Variants in RPS6KA2 observed in about 807,000 individuals in gnomAD.
The protein encoded by RPS6KA2 is ribosomal protein S6 kinase alpha-2.
RPS6KA2 carries 42 observed loss-of-function variants against 91.8 expected under a neutral mutation model. The ratio of observed to expected loss-of-function variants is 0.46; its 90% CI spans 0.36 to 0.59. RPS6KA2 has a LOEUF of 0.59. Among genes scored for constraint, RPS6KA2 ranks in the 20% least tolerant of loss-of-function variants. The pLI is 0.00. For synonymous variants in RPS6KA2, 414 were observed against 393.6 expected (o/e 1.05, Z -0.61); for missense variants, 798 against 978.5 (o/e 0.82, Z 2.46).
In RPS6KA2 at chr6:166,626,508, C is replaced by A. The variant is rs757100352; in HGVS notation, c.99+413G>T. ...CACGGCAGACAGCACCTGATCAGCG[C>A]CTCGGAGGGCGGAGCTGGGGGGCTT... On this transcript the variant is annotated intron_variant, in intron 1 of 20. Coordinates refer to ENST00000265678, the MANE Select transcript of RPS6KA2 (RefSeq NM_021135.6). The surrounding 1 kb of genome is among the most constrained non-coding windows in gnomAD (Gnocchi z 4.1). Among the ~76,000 whole-genome samples, 3 of 152,240 alleles carry A rather than the reference C, an allele frequency of 2.0e-5. No individual in the cohort carries two copies. The highest frequency in any genetic ancestry group is 4.4e-5 in the Non-Finnish European group (3 of 68,048).
At chr6:166,618,851 G>A (rs549628493) in intron 1 of RPS6KA2, among the ~76,000 whole-genome samples, 18 of 152,336 alleles carry the variant, frequency 1.2e-4, no homozygotes, top group Admixed American at 9.1e-4. Flanking sequence ...ACCGCAGTAC[G>A]ACGCGCTCAG....
intron 2 of RPS6KA2, among the ~76,000 whole-genome samples, chr6:166,850,670 G>A (rs1403930892): frequency 2.0e-5 from 3 of 152,164 alleles, no homozygotes; most frequent in African/African-American, 4.8e-5. Context: ...GAGCCCCTGC[G>A]TCCTCCTCAG....
chr6:166,454,758 G>A (rs989579573), intron 12 of RPS6KA2, among the ~76,000 whole-genome samples: 2 of 151,926 alleles, frequency 1.3e-5, no homozygotes, highest in African/African-American at 4.8e-5. Context: ...CAGAGACGTG[G>A]CTTCCTAATC....
chr6:166,789,200 CAGG>C (rs1779011386), intron 2 of RPS6KA2, among the ~76,000 whole-genome samples: 1 of 152,212 alleles, frequency 6.6e-6, no homozygotes, highest in Non-Finnish European at 1.5e-5. Context: ...AACAGCGCAC[CAGG>C]AGATTATATC....
At chr6:166,785,762 T>C (rs1260156922) in intron 2 of RPS6KA2, among the ~76,000 whole-genome samples, 3 of 152,250 alleles carry the variant, frequency 2.0e-5, no homozygotes, top group Non-Finnish European at 4.4e-5. Context: ...CTTGTTTCTA[T>C]AAAGCACTCA....
Position 166,736,617 on chromosome 6 carries a change from A to C in RPS6KA2, c.123+121583T>G, listed in dbSNP as rs1330416518. ...TTTTTTTCCTGGCAACAAAAAACCCACTCCAAAGTGTGCAAAACTCTAAGA... is the reference window on the plus strand; with the variant it reads ...TTTTTTTCCTGGCAACAAAAAACCCCCTCCAAAGTGTGCAAAACTCTAAGA... On this transcript the variant is annotated intron_variant, in intron 2 of 21. Coordinates refer to the RPS6KA2 transcript ENST00000503859. Among the ~76,000 whole-genome samples the C allele has an allele frequency of 2.6e-5, 4 of 152,014 alleles. No individual in the cohort carries two copies. In the East Asian group the frequency reaches 7.7e-4, roughly 29 times the overall value.
intron 17 of RPS6KA2, among the ~76,000 whole-genome samples, chr6:166,421,795 T>C (rs947680899): frequency 1.3e-5 from 2 of 152,192 alleles, no homozygotes; most frequent in African/African-American, 4.8e-5. Context: ...TAAGAACTTA[T>C]GAGGGATGAG....
At chr6:166,524,522 C>A (rs1362367829) in intron 3 of RPS6KA2, among the ~76,000 whole-genome samples, 1 of 152,158 alleles carries the variant, frequency 6.6e-6, no homozygotes, top group Non-Finnish European at 1.5e-5. Context: ...ACAGCTGAAC[C>A]AAGACATCAT....
At chr6:166,643,614 A>G (rs1787516964) in intron 2 of RPS6KA2, among the ~76,000 whole-genome samples, 1 of 152,262 alleles carries the variant, frequency 6.6e-6, no homozygotes, top group Admixed American at 6.5e-5. Flanking sequence ...ATTATTATTT[A>G]GAAAAATTTT....
At chr6:166,484,836 G>T (rs898643984) in intron 10 of RPS6KA2, among the ~76,000 whole-genome samples, 1 of 152,224 alleles carries the variant, frequency 6.6e-6, no homozygotes, top group Non-Finnish European at 1.5e-5. Flanking sequence ...TCTATTCCTT[G>T]CAGCTAAAAG....
At chr6:166,836,192 G>C (rs1780311525) in intron 2 of RPS6KA2, among the ~76,000 whole-genome samples, 1 of 151,974 alleles carries the variant, frequency 6.6e-6, no homozygotes, top group African/African-American at 2.4e-5. Flanking sequence ...TGGTCCTATA[G>C]TTTTCTGTTT....
chr6:166,525,603 G>T (rs1011520665), intron 3 of RPS6KA2, among the ~76,000 whole-genome samples: 2 of 152,224 alleles, frequency 1.3e-5, no homozygotes, highest in Non-Finnish European at 2.9e-5. Flanking sequence ...CCAGGCACAG[G>T]ACAATCAGCC....
chr6:166,686,386 G>A (rs1460609168), intron 2 of RPS6KA2, among the ~76,000 whole-genome samples: 1 of 152,138 alleles, frequency 6.6e-6, no homozygotes, highest in Non-Finnish European at 1.5e-5. Context: ...TTTTTTGTAT[G>A]CAGGGAGGTG....
chr6:166,703,615 T>A (rs1429338788), intron 2 of RPS6KA2, among the ~76,000 whole-genome samples: 1 of 152,238 alleles, frequency 6.6e-6, no homozygotes, highest in Non-Finnish European at 1.5e-5. Context: ...ATTAAAAAGA[T>A]CTTTTTTTCT....
chr6:166,714,106 C>T (rs551929449), intron 2 of RPS6KA2, among the ~76,000 whole-genome samples: 1 of 152,228 alleles, frequency 6.6e-6, no homozygotes, highest in East Asian at 1.9e-4. Context: ...ATGAATTATT[C>T]CTTCCTGTGA....
rs762242964 is a variant in RPS6KA2 at position 166,508,174 on chromosome 6, C to A, written c.459+29G>T. ...AGTCCCAGACAGAAGCTCCTGCCCG[C>A]CCTCCTGTGTGATGTGGCGGCTGCT... On this transcript the variant is annotated intron_variant, in intron 5 of 20. Transcript: ENST00000265678. The surrounding 1 kb of genome is among the most constrained non-coding windows in gnomAD (Gnocchi z 4.3). The A allele has an allele frequency of 2.6e-5, 39 of 1,502,402 alleles. No homozygotes were observed. The highest frequency in any genetic ancestry group is 3.5e-5 in the Non-Finnish European group (38 of 1,080,372). The allele number at this position is 1,502,402 out of a possible 1,614,324, so 93.1% of individuals were successfully genotyped here.
At chr6:166,818,819 T>A (rs1157582757) in intron 2 of RPS6KA2, among the ~76,000 whole-genome samples, 7 of 152,030 alleles carry the variant, frequency 4.6e-5, no homozygotes, top group Non-Finnish European at 1.0e-4. Context: ...AACGACTGTG[T>A]CCTCTCTACG....
At position 166,679,968 on chromosome 6, in the gene RPS6KA2, C is replaced by G. The variant is rs1415976083; in HGVS notation, c.124-141184G>C. 3.3e-5 allele frequency among the ~76,000 whole-genome samples: 5 copies of G among 152,246 alleles called. No individual in the cohort carries two copies. The East Asian group carries it at 9.6e-4, about 29-fold the overall frequency. On this transcript the variant is annotated intron_variant, in intron 2 of 21. Transcript: ENST00000503859. ...CAGTGCCAGTGAGAGGTGAAGCCAGCTGGGCTTCTGGGATGGGTGGGGACT... is the reference window on the plus strand; with the variant it reads ...CAGTGCCAGTGAGAGGTGAAGCCAGGTGGGCTTCTGGGATGGGTGGGGACT...
At chr6:166,491,925 A>T (rs960075966) in intron 8 of RPS6KA2, among the ~76,000 whole-genome samples, 17 of 152,354 alleles carry the variant, frequency 1.1e-4, no homozygotes, top group African/African-American at 4.1e-4. Flanking sequence ...AAATCTTTGT[A>T]ATATCACTTA....
Sources: gnomAD v4.1 joint callset for allele counts (sites outside exome capture counted in the v4.1 genomes callset) on GRCh38, gnomAD v4.1.1 for gene constraint, Gnocchi (gnomAD v3.1) non-coding constraint, MANE v1.5 for transcripts, NCBI Gene and HGNC (gene_info 2026-07-23, HGNC 2026-07-21) for gene names.